The following AIG1 variants were observed in gnomAD, a reference collection of about 807,000 sequenced individuals.
The protein encoded by AIG1 is androgen induced 1.
In AIG1, 23 loss-of-function variants were observed where a neutral mutation model predicts 31.4. The observed-to-expected ratio is 0.73, with a 90% CI of 0.53 to 1.04. The LOEUF is 1.04. Ranked by LOEUF, AIG1 falls within the 50% of genes least tolerant of loss-of-function variation. The probability of loss-of-function intolerance (pLI) is 0.00; values close to 1 mark genes in which losing one functional copy is unlikely to be tolerated. For synonymous variants in AIG1, 100 were observed against 110.5 expected, an observed-to-expected ratio of 0.90 and a Z score of 0.60; for missense variants, 274 against 295.0, an observed-to-expected ratio of 0.93 and a Z score of 0.52.
chr6:143,257,887 G>A (rs1459495504), intron 3 of AIG1, among the ~76,000 whole-genome samples: 3 of 152,122 alleles, frequency 2.0e-5, no homozygotes, highest in African/African-American at 7.2e-5. Context: ...CTAAAAGTAT[G>A]CACTTGAGTG....
chr6:143,318,538 A>G (rs553534922), intron 4 of AIG1, among the ~76,000 whole-genome samples: 2 of 152,322 alleles, frequency 1.3e-5, no homozygotes, highest in South Asian at 4.1e-4. Flanking sequence ...TTTAGAAGAT[A>G]ACATCAAAAA....
chr6:143,333,452 AT>A lies in AIG1; in HGVS notation c.679+9del. On this transcript the variant is annotated splice_region_variant and intron_variant, in intron 5 of 5. Coordinates refer to ENST00000357847, the MANE Select transcript of AIG1 (RefSeq NM_016108.4). This position sits in a 1 kb window ranked among gnomAD's most constrained non-coding sequence, Gnocchi z 4.6. ...ATCTGGGATACACAGAAAAGTAAGT[AT>A]TGTCTGAGGGAACATAAAACAAGAG... 6.2e-7 allele frequency: 1 copy of A among 1,612,554 alleles called. No individual in the cohort carries two copies. Among genetic ancestry groups the A allele is most frequent in the South Asian group, 1.1e-5 (1 of 90,736 alleles).
At chr6:143,113,448 C>G (rs1050238155) in intron 1 of AIG1, among the ~76,000 whole-genome samples, 34 of 151,082 alleles carry the variant, frequency 2.3e-4, no homozygotes, top group Non-Finnish European at 7.4e-5. Context: ...ACTAAAAATA[C>G]AAAAATTAGC....
At chr6:143,166,191 G>A (rs1786925244) in intron 3 of AIG1, among the ~76,000 whole-genome samples, 2 of 152,120 alleles carry the variant, frequency 1.3e-5, no homozygotes, top group South Asian at 2.1e-4. Context: ...ATCAAAAGTG[G>A]CACATCTCAG....
chr6:143,282,036 A>G (rs2128678061), intron 3 of AIG1, among the ~76,000 whole-genome samples: 1 of 152,336 alleles, frequency 6.6e-6, no homozygotes, highest in South Asian at 2.1e-4. Flanking sequence ...GATCATCAGC[A>G]AGTATCAGAT....
intron 4 of AIG1, among the ~76,000 whole-genome samples, chr6:143,290,540 C>T (rs1797989587): frequency 6.6e-6 from 1 of 152,174 alleles, no homozygotes; most frequent in Non-Finnish European, 1.5e-5. Flanking sequence ...AATTAAACTC[C>T]ACCATTTTTC....
chr6:143,071,671 A>AGTGGTGGTGGTGGTG, intron 1 of AIG1, among the ~76,000 whole-genome samples: 1 of 151,014 alleles, frequency 6.6e-6, no homozygotes, highest in African/African-American at 2.5e-5. Context: ...TGGTGGTGGT[A>AGTGGTGGTGGTGGTG]GTGGTGGTTC....
At chr6:143,141,982 C>T in intron 2 of AIG1, among the ~76,000 whole-genome samples, 1 of 151,894 alleles carries the variant, frequency 6.6e-6, no homozygotes, top group East Asian at 1.9e-4. Context: ...GAAAGTGCCC[C>T]TCTCAGGAAT....
At chr6:143,168,685 C>G (rs2128569594) in intron 3 of AIG1, among the ~76,000 whole-genome samples, 1 of 151,984 alleles carries the variant, frequency 6.6e-6, no homozygotes, top group East Asian at 1.9e-4. Flanking sequence ...AACATGTAGT[C>G]CTAGCTACTC....
chr6:143,091,189 C>T (rs1309880052), intron 1 of AIG1, among the ~76,000 whole-genome samples: 3 of 152,212 alleles, frequency 2.0e-5, no homozygotes, highest in Non-Finnish European at 4.4e-5. Flanking sequence ...ATTTCTACCA[C>T]ATCTGCAGTT....
In AIG1 at chr6:143,297,754, G is replaced by C. The variant is rs1798535131; in HGVS notation, c.515+13529G>C. Among the ~76,000 whole-genome samples, 1 of 152,200 alleles carries C rather than the reference G, an allele frequency of 6.6e-6. No individual in the cohort carries two copies. ...TCCTCCAATTTTCATGTCTCAGCCA[G>C]ATAGTTTTTTTAAAATGCAAATTTT... is the stretch of plus-strand genomic sequence containing the variant. On this transcript the variant is annotated intron_variant, in intron 4 of 5. Transcript: ENST00000357847. The surrounding 1 kb of genome is among the most constrained non-coding windows in gnomAD (Gnocchi z 5.1).
intron 3 of AIG1, among the ~76,000 whole-genome samples, chr6:143,238,607 A>C (rs1022911596): frequency 6.6e-6 from 1 of 152,188 alleles, no homozygotes; most frequent in African/African-American, 2.4e-5. Context: ...ATTATGTTTC[A>C]TTTGAAAGGA....
chr6:143,315,678 G>T (rs1238876349), intron 4 of AIG1, among the ~76,000 whole-genome samples: 1 of 152,006 alleles, frequency 6.6e-6, no homozygotes, highest in Non-Finnish European at 1.5e-5. Flanking sequence ...ACCCAAAATG[G>T]ATCATAGACT....
chr6:143,113,552 G>A (rs1026833245), intron 1 of AIG1, among the ~76,000 whole-genome samples: 21 of 147,752 alleles, frequency 1.4e-4, no homozygotes, highest in Admixed American at 4.1e-4. Flanking sequence ...GTGGTCAGCC[G>A]AGATCACGCC....
chr6:143,227,369 G>C (rs1000276918), intron 3 of AIG1, among the ~76,000 whole-genome samples: 1 of 151,938 alleles, frequency 6.6e-6, no homozygotes, highest in African/African-American at 2.4e-5. Flanking sequence ...CAGCTGCCCC[G>C]TGCCCCTGCC....
chr6:143,124,422 A>G (rs1017320666), intron 1 of AIG1, among the ~76,000 whole-genome samples: 2 of 152,124 alleles, frequency 1.3e-5, no homozygotes, highest in Non-Finnish European at 2.9e-5. Context: ...CAGCCCTCCC[A>G]ACGAGGACAC....
intron 3 of AIG1, among the ~76,000 whole-genome samples, chr6:143,183,378 TAGAG>T (rs924122560): frequency 2.0e-5 from 3 of 152,126 alleles, no homozygotes; most frequent in Non-Finnish European, 4.4e-5. Flanking sequence ...GTATTTTTAG[TAGAG>T]AGGGGGTTTC....
intron 4 of AIG1, among the ~76,000 whole-genome samples, chr6:143,319,988 A>G (rs1269248360): frequency 2.6e-5 from 4 of 152,180 alleles, no homozygotes; most frequent in African/African-American, 9.6e-5. Flanking sequence ...TAAATATCCA[A>G]AATCTATAAG....
At chr6:143,102,554 GATA>G (rs1780390574) in intron 1 of AIG1, among the ~76,000 whole-genome samples, 1 of 146,234 alleles carries the variant, frequency 6.8e-6, no homozygotes, top group South Asian at 2.1e-4. Flanking sequence ...GTATATAAAA[GATA>G]ATGTTATATA....
Sources: allele counts gnomAD v4.1 joint callset (sites outside exome capture counted in the v4.1 genomes callset), GRCh38; gene constraint gnomAD v4.1.1; non-coding constraint Gnocchi (gnomAD v3.1); transcripts MANE v1.5; gene names NCBI Gene and HGNC (gene_info 2026-07-23, HGNC 2026-07-21).